The following SEMA5A variants were observed in gnomAD, a reference collection of about 807,000 sequenced individuals.
SEMA5A encodes the protein semaphorin 5A, also known as semaphorin-5A.
In SEMA5A, 55 loss-of-function variants were observed where a neutral mutation model predicts 135.5. The ratio of observed to expected loss-of-function variants is 0.41; its 90% CI spans 0.33 to 0.51. The LOEUF (loss-of-function observed/expected upper bound fraction) is 0.51, where lower values mean the gene tolerates loss of function less well. SEMA5A is among the 20% of genes least tolerant of loss of function. The pLI, the probability that SEMA5A is intolerant of heterozygous loss-of-function variation, is 0.37. For missense variants in SEMA5A, 1,290 were observed against 1,419.9 expected (o/e 0.91, Z 1.47); for synonymous variants, 580 against 546.5 (o/e 1.06, Z -0.85).
Position 9,196,242 on chromosome 5 carries a change from T to C in SEMA5A, c.1068+926A>G, listed in dbSNP as rs374704753. ...TCCTACCCTCCAGTGTGGCTGTATA[T>C]GGAGATGGGGTCTTAATGGTAGTAA... is the stretch of plus-strand genomic sequence containing the variant. On this transcript the variant is annotated intron_variant, in intron 10 of 22. Transcript: ENST00000382496. 3.3e-5 allele frequency among the ~76,000 whole-genome samples: 5 copies of C among 152,300 alleles called. No homozygotes were observed. The South Asian group carries it at 6.2e-4, about 19-fold the overall frequency.
At chr5:9,411,494 G>T (rs1319033514) in intron 2 of SEMA5A, among the ~76,000 whole-genome samples, 1 of 152,162 alleles carries the variant, frequency 6.6e-6, no homozygotes, top group Non-Finnish European at 1.5e-5. Context: ...CCAACTAGAA[G>T]AGGCTGAGCA....
intron 2 of SEMA5A, among the ~76,000 whole-genome samples, chr5:9,426,439 A>ATAACATAACATAACATAAC (rs1561243591): frequency 7.1e-6 from 1 of 141,528 alleles, no homozygotes; most frequent in African/African-American, 2.6e-5. Flanking sequence ...AAATAAATAA[A>ATAACATAACATAACATAAC]ATAAAATAAA....
At chr5:9,188,926 G>A (rs530952019) in intron 11 of SEMA5A, among the ~76,000 whole-genome samples, 8 of 152,288 alleles carry the variant, frequency 5.3e-5, no homozygotes, top group Admixed American at 1.3e-4. Context: ...TTCGGCCAGT[G>A]CTCTTCCTCC....
intron 5 of SEMA5A, among the ~76,000 whole-genome samples, chr5:9,305,554 G>A (rs1172616434): frequency 1.3e-5 from 2 of 151,812 alleles, no homozygotes; most frequent in Non-Finnish European, 2.9e-5. Context: ...AGTGACCACC[G>A]ATGTCACTAT....
intron 3 of SEMA5A, among the ~76,000 whole-genome samples, chr5:9,350,461 T>G (rs2150748545): frequency 1.3e-5 from 2 of 152,178 alleles, no homozygotes; most frequent in East Asian, 3.9e-4. Context: ...CTGATAGGAG[T>G]GTCTCTCTCT....
chr5:9,478,787 T>C (rs906062176), intron 1 of SEMA5A, among the ~76,000 whole-genome samples: 1 of 152,040 alleles, frequency 6.6e-6, no homozygotes, highest in African/African-American at 2.4e-5. Flanking sequence ...TTTGGACTTA[T>C]ACTTTTGAGT....
At chr5:9,358,386 C>G (rs1225257319) in intron 3 of SEMA5A, among the ~76,000 whole-genome samples, 1 of 152,166 alleles carries the variant, frequency 6.6e-6, no homozygotes, top group East Asian at 1.9e-4. Context: ...ACCTGGTGGT[C>G]TGACGCCTGT....
chr5:9,184,439 A>C (rs1744699199), intron 11 of SEMA5A, among the ~76,000 whole-genome samples: 2 of 152,144 alleles, frequency 1.3e-5, no homozygotes, highest in Non-Finnish European at 2.9e-5. Flanking sequence ...TTTGGGCACA[A>C]GTTTTTAGCT....
At chr5:9,044,270 C>T in intron 22 of SEMA5A, 103 bp downstream of exon 22, 1 of 981,622 alleles carries the variant, frequency 1.0e-6, no homozygotes, top group African/African-American at 1.6e-5. Flanking sequence ...GGAGAAAATT[C>T]AGTTTCAAAG....
At chr5:9,362,724 C>A (rs1305385956) in intron 3 of SEMA5A, among the ~76,000 whole-genome samples, 1 of 152,154 alleles carries the variant, frequency 6.6e-6, no homozygotes, top group African/African-American at 2.4e-5. Context: ...AAACCCAGCC[C>A]ACACACTTCC....
chr5:9,508,269 T>C (rs1736012880), intron 1 of SEMA5A, among the ~76,000 whole-genome samples: 1 of 152,146 alleles, frequency 6.6e-6, no homozygotes, highest in Admixed American at 6.5e-5. Context: ...GTCATCTCCC[T>C]CTTCCTCATG....
intron 11 of SEMA5A, among the ~76,000 whole-genome samples, chr5:9,178,255 C>G (rs868734872): frequency 1.3e-5 from 2 of 151,488 alleles, no homozygotes; most frequent in African/African-American, 4.9e-5. Flanking sequence ...TCAATTTGCA[C>G]ACTTGGGTCT....
At chr5:9,542,831 T>G (rs1405672139) in intron 1 of SEMA5A, among the ~76,000 whole-genome samples, 1 of 152,230 alleles carries the variant, frequency 6.6e-6, no homozygotes, top group African/African-American at 2.4e-5. Flanking sequence ...GCTTTGTAGC[T>G]CAAACCTCTT....
At chr5:9,063,685 G>A (rs903099407) in intron 17 of SEMA5A, among the ~76,000 whole-genome samples, 1 of 152,198 alleles carries the variant, frequency 6.6e-6, no homozygotes, top group African/African-American at 2.4e-5. Context: ...ACACAGCACT[G>A]AGTGACATTG....
rs190515829 is a variant in SEMA5A at position 9,311,829 on chromosome 5, T to A, written c.270+6543A>T. On this transcript the variant is annotated intron_variant, in intron 5 of 22. Transcript: ENST00000382496. ...GAGAATTCTCTACCGATATTGATCA[T>A]GTAGTCAGAGAGATTTAAGTTTTCA... Among the ~76,000 whole-genome samples the A allele has an allele frequency of 1.7e-3, 262 of 152,260 alleles. 5 individuals carry two copies. The highest frequency in any genetic ancestry group is 5.7e-3 in the African/African-American group (235 of 41,558).
chr5:9,238,604 A>G (rs1430603084), intron 5 of SEMA5A, among the ~76,000 whole-genome samples: 1 of 152,168 alleles, frequency 6.6e-6, no homozygotes, highest in Non-Finnish European at 1.5e-5. Flanking sequence ...TTAGTGAAGA[A>G]AACAGACAGG....
chr5:9,122,962 A>T, intron 13 of SEMA5A, 125 bp from the exon 14 acceptor site: 1 of 915,792 alleles, frequency 1.1e-6, no homozygotes. Flanking sequence ...TTGTTGCTGC[A>T]GTTAGAAAAA....
chr5:9,048,543 C>T (rs572584397), intron 21 of SEMA5A, among the ~76,000 whole-genome samples: 10 of 146,636 alleles, frequency 6.8e-5, no homozygotes, highest in African/African-American at 2.8e-4. Flanking sequence ...CACAGCAGCA[C>T]TGTTAAGGAG....
intron 8 of SEMA5A, among the ~76,000 whole-genome samples, chr5:9,203,913 CA>C: frequency 6.7e-6 from 1 of 148,928 alleles, no homozygotes; most frequent in African/African-American, 2.5e-5. Flanking sequence ...GAGATGTTCA[CA>C]AAAACAGCAG....
Sources: allele counts gnomAD v4.1 joint callset (sites outside exome capture counted in the v4.1 genomes callset), GRCh38; gene constraint gnomAD v4.1.1; transcripts MANE v1.5; gene names NCBI Gene and HGNC (gene_info 2026-07-23, HGNC 2026-07-21).